Variants in RBMS3 observed in about 807,000 individuals in gnomAD.
RBMS3 encodes the protein RNA binding motif single stranded interacting protein 3.
Under a neutral mutation model 66.8 loss-of-function variants are expected in RBMS3, and 27 were observed. The observed-to-expected ratio is 0.40, with a 90% CI of 0.30 to 0.56. The LOEUF (loss-of-function observed/expected upper bound fraction) is 0.56, where lower values mean the gene tolerates loss of function less well. Among genes scored for constraint, RBMS3 ranks in the 20% least tolerant of loss-of-function variants. RBMS3 has a pLI of 0.40. For missense variants in RBMS3, 513 were observed against 549.5 expected (o/e 0.93, Z 0.66); for synonymous variants, 188 against 183.0 (o/e 1.03, Z -0.22).
chr3:29,359,337 G>A (rs528252405), intron 1 of RBMS3, among the ~76,000 whole-genome samples: 94 of 152,270 alleles, frequency 6.2e-4, no homozygotes, highest in African/African-American at 2.2e-3. Context: ...CTGTTTATAT[G>A]CTGGATTACG....
chr3:29,584,680 T>C (rs1467844048), intron 3 of RBMS3, among the ~76,000 whole-genome samples: 2 of 152,128 alleles, frequency 1.3e-5, no homozygotes, highest in African/African-American at 4.8e-5. Context: ...AAACCAGTGG[T>C]AATCCTTGTC....
At chr3:29,439,326 G>A (rs1358533102) in intron 2 of RBMS3, among the ~76,000 whole-genome samples, 4 of 152,138 alleles carry the variant, frequency 2.6e-5, no homozygotes, top group Admixed American at 1.3e-4. Flanking sequence ...TGCAGAGTAC[G>A]GAGAAGTGAT....
chr3:29,739,568 TC>T, intron 4 of RBMS3, 151 bp from the exon 5 acceptor site: 1 of 524,492 alleles, frequency 1.9e-6, no homozygotes, highest in Admixed American at 3.6e-5. Flanking sequence ...GCACAAGACA[TC>T]AGTAAAAAGA....
At chr3:29,372,334 A>G (rs1306637040) in intron 1 of RBMS3, among the ~76,000 whole-genome samples, 2 of 152,176 alleles carry the variant, frequency 1.3e-5, no homozygotes, top group Non-Finnish European at 2.9e-5. Context: ...GTCTCAAAAA[A>G]AAAGAAAAAA....
At chr3:29,348,899 G>A (rs1035247945) in intron 1 of RBMS3, among the ~76,000 whole-genome samples, 2 of 152,190 alleles carry the variant, frequency 1.3e-5, no homozygotes, top group East Asian at 3.9e-4. Context: ...GGACTTGAGA[G>A]TAAGATGCTT....
intron 4 of RBMS3, among the ~76,000 whole-genome samples, chr3:29,693,182 A>T (rs2052111489): frequency 6.6e-6 from 1 of 152,156 alleles, no homozygotes; most frequent in Admixed American, 6.5e-5. Flanking sequence ...TTTTTCCCCA[A>T]ATTTTAGAAT....
chr3:29,878,243 T>G (rs2149568859), intron 7 of RBMS3, among the ~76,000 whole-genome samples: 1 of 152,152 alleles, frequency 6.6e-6, no homozygotes, highest in African/African-American at 2.4e-5. Flanking sequence ...GCAGCCCGGT[T>G]CCTAACAGGC....
At chr3:29,634,582 G>A (rs2049407457) in intron 4 of RBMS3, among the ~76,000 whole-genome samples, 1 of 151,778 alleles carries the variant, frequency 6.6e-6, no homozygotes, top group African/African-American at 2.4e-5. Context: ...TGTCTCAGAG[G>A]TCTCTAGTTT....
intron 4 of RBMS3, among the ~76,000 whole-genome samples, chr3:29,632,419 G>C (rs980490181): frequency 6.6e-6 from 1 of 151,874 alleles, no homozygotes; most frequent in Non-Finnish European, 1.5e-5. Context: ...AATTGTTTAA[G>C]ATTTATTGGT....
chr3:30,004,086 TAATTA>T lies in RBMS3; in HGVS notation c.*227_*231del. 2.8e-6 allele frequency: 1 copy of T among 363,360 alleles called. No homozygotes were observed. The highest frequency in any genetic ancestry group is 4.9e-6 in the Non-Finnish European group (1 of 204,396). The allele number at this position is 363,360 out of a possible 1,614,324, so 22.5% of individuals were successfully genotyped here. On this transcript the variant is annotated 3_prime_UTR_variant, in exon 15 of 15. Transcript: ENST00000383767. ...CAATTTATTTTTGCCATCATTTTTT[TAATTA>T]AAGAAAAAATTTCCAGAAGAGGAAA...
chr3:29,545,567 C>T (rs774426490), intron 3 of RBMS3, among the ~76,000 whole-genome samples: 26 of 152,018 alleles, frequency 1.7e-4, no homozygotes, highest in South Asian at 8.3e-4. Flanking sequence ...GGCATTTCAG[C>T]GCTATGTTGA....
intron 1 of RBMS3, among the ~76,000 whole-genome samples, chr3:29,431,503 G>C (rs1009464970): frequency 6.6e-6 from 1 of 151,864 alleles, no homozygotes; most frequent in African/African-American, 2.4e-5. Context: ...ATGTTGGCCA[G>C]GATGGTCTTG....
Position 29,797,448 on chromosome 3 carries a change from C to T in RBMS3, c.637+34459C>T, listed in dbSNP as rs2057240264. ...AAATGTAGCTAGTTTGATCTTCTAT[C>T]CAGACCACTAAAACTTTCTCCAGAT... On this transcript the variant is annotated intron_variant, in intron 6 of 14. Coordinates refer to ENST00000383767, the MANE Select transcript of RBMS3 (RefSeq NM_001003793.3). 1.3e-5 allele frequency among the ~76,000 whole-genome samples: 2 copies of T among 152,182 alleles called. 1 individual carries two copies. Among genetic ancestry groups the T allele is most frequent in the Non-Finnish European group, 2.9e-5 (2 of 68,030 alleles).
chr3:29,779,194 G>T (rs1025113572), intron 6 of RBMS3, among the ~76,000 whole-genome samples: 5 of 151,644 alleles, frequency 3.3e-5, no homozygotes, highest in African/African-American at 1.2e-4. Flanking sequence ...TAAAGGAAAG[G>T]TAGCCTATTT....
At chr3:29,671,493 G>A (rs2050998665) in intron 4 of RBMS3, among the ~76,000 whole-genome samples, 1 of 152,148 alleles carries the variant, frequency 6.6e-6, no homozygotes, top group African/African-American at 2.4e-5. Flanking sequence ...CCAATCTAAA[G>A]CAGGATGTTC....
intron 4 of RBMS3, among the ~76,000 whole-genome samples, chr3:29,698,898 C>T (rs2052403846): frequency 6.6e-6 from 1 of 152,110 alleles, no homozygotes; most frequent in Non-Finnish European, 1.5e-5. Context: ...CTAATGGTAG[C>T]ATACTATTCA....
intron 5 of RBMS3, among the ~76,000 whole-genome samples, chr3:29,745,530 T>C (rs1379375567): frequency 2.0e-5 from 3 of 151,704 alleles, no homozygotes; most frequent in African/African-American, 7.3e-5. Flanking sequence ...CCAGCAAAAA[T>C]CACATTGAGA....
At chr3:29,746,448 T>C (rs1333679194) in intron 5 of RBMS3, among the ~76,000 whole-genome samples, 1 of 152,236 alleles carries the variant, frequency 6.6e-6, no homozygotes, top group African/African-American at 2.4e-5. Flanking sequence ...TTTTCTGAGA[T>C]TGAAGAGAAT....
intron 1 of RBMS3, among the ~76,000 whole-genome samples, chr3:29,374,485 G>A (rs1410011547): frequency 6.6e-6 from 1 of 152,120 alleles, no homozygotes; most frequent in African/African-American, 2.4e-5. Context: ...TGTACTTTGG[G>A]TACCCATACA....
Sources: gnomAD v4.1 joint callset for allele counts (sites outside exome capture counted in the v4.1 genomes callset) on GRCh38, gnomAD v4.1.1 for gene constraint, MANE v1.5 for transcripts, NCBI Gene and HGNC (gene_info 2026-07-23, HGNC 2026-07-21) for gene names.